LARP4B: variants seen among roughly 807,000 people sequenced by gnomAD.
LARP4B encodes la-related protein 4B.
LARP4B carries 12 observed loss-of-function variants against 89.8 expected under a neutral mutation model. That is an observed-to-expected ratio of 0.13 (90% confidence interval 0.09 to 0.22). The LOEUF (loss-of-function observed/expected upper bound fraction) is 0.22, where lower values mean the gene tolerates loss of function less well. LARP4B is among the 10% of genes least tolerant of loss of function. The pLI, the probability that LARP4B is intolerant of heterozygous loss-of-function variation, is 1.00. For synonymous variants in LARP4B, 367 were observed against 363.3 expected (o/e 1.01, Z -0.12); for missense variants, 757 against 947.7 (o/e 0.80, Z 2.64).
In LARP4B at chr10:888,003, G is replaced by A. The variant is rs562198840; in HGVS notation, c.-39-2243C>T. ...CTCGCCACTGCACTCCCACCTCGGC[G>A]ACAGAGCAAAACTCTGTCTTAAAAA... On this transcript the variant is annotated intron_variant, in intron 1 of 17. Coordinates refer to ENST00000316157, the MANE Select transcript of LARP4B (RefSeq NM_015155.3). Among the ~76,000 whole-genome samples the A allele has an allele frequency of 1.8e-4, 27 of 151,514 alleles. No homozygotes were observed. The South Asian group carries it at 3.1e-3, about 18-fold the overall frequency.
chr10:970,890 G>A, the LARP4B span, among the ~76,000 whole-genome samples: 6 of 152,300 alleles, frequency 3.9e-5, no homozygotes, highest in Admixed American at 3.3e-4. Flanking sequence ...CAGCCCAGCT[G>A]AGCGTTTTAT....
At position 845,017 on chromosome 10, in the gene LARP4B, G is replaced by C. The variant is rs538826325; in HGVS notation, c.469C>G (p.Arg157Gly). ...TCCAATGTTTTTTTAAGTACTTCTC[G>C]GGGGTCTTCCTGGCTGTCTGGTTGA... Reference protein sequence around the residue: ...ESQPDSQEDPREVLKKTLEFC... With the variant: ...ESQPDSQEDPGEVLKKTLEFC... The change falls in exon 6 of 18, where the codon CGA (arginine) becomes GGA (glycine). Residue 157 changes from arginine to glycine, a missense_variant. Physicochemically the swap from Arg to Gly is moderately radical, Grantham distance 125. Coordinates refer to ENST00000316157, the MANE Select transcript of LARP4B (RefSeq NM_015155.3). 5.6e-6 allele frequency: 9 copies of C among 1,611,046 alleles called. No homozygotes were observed. The highest frequency in any genetic ancestry group is 7.6e-6 in the Non-Finnish European group (9 of 1,179,536).
intron 1 of LARP4B, among the ~76,000 whole-genome samples, chr10:916,084 A>G (rs188457555): frequency 9.8e-5 from 15 of 152,292 alleles, no homozygotes; most frequent in African/African-American, 3.4e-4. Context: ...CAAATAAGAA[A>G]TGGTGTTTAA....
chr10:927,236 G>C (rs747087388), intron 1 of LARP4B, among the ~76,000 whole-genome samples: 3 of 152,068 alleles, frequency 2.0e-5, no homozygotes, highest in African/African-American at 4.8e-5. Flanking sequence ...TGAGAAGACA[G>C]AGTTTATAAA....
the LARP4B span, among the ~76,000 whole-genome samples, chr10:954,570 G>A: frequency 6.6e-6 from 1 of 152,102 alleles, no homozygotes; most frequent in African/African-American, 2.4e-5. The surrounding 1 kb of genome is among the most constrained non-coding windows in gnomAD (Gnocchi z 5.0). Context: ...GCCTGAGGTC[G>A]GGAGGAGGAC....
intron 1 of LARP4B, among the ~76,000 whole-genome samples, chr10:902,657 A>G (rs1229949310): frequency 7.8e-6 from 1 of 127,732 alleles, no homozygotes; most frequent in Admixed American, 8.3e-5. Context: ...TTTTTTTTTT[A>G]ATTTTGAGAT....
intron 6 of LARP4B, 92 bp downstream of exon 6, chr10:844,885 A>G: frequency 1.2e-6 from 1 of 824,550 alleles, no homozygotes. Flanking sequence ...ATGAGTAGAT[A>G]CTCCTTCATA....
chr10:987,120 G>C, the LARP4B span: 1 of 145,974 alleles, frequency 6.9e-6, no homozygotes, highest in East Asian at 2.1e-4. Context: ...TATGAGCATA[G>C]CTTTGCTAAT....
intron 1 of LARP4B, among the ~76,000 whole-genome samples, chr10:891,942 T>C (rs1433895139): frequency 1.3e-5 from 2 of 152,248 alleles, no homozygotes; most frequent in Non-Finnish European, 2.9e-5. Context: ...GACAGCTGTT[T>C]CAATAAATAA....
intron 3 of LARP4B, among the ~76,000 whole-genome samples, chr10:883,277 C>G (rs1248965059): frequency 6.6e-6 from 1 of 152,038 alleles, no homozygotes; most frequent in Admixed American, 6.6e-5. Flanking sequence ...TTTGGGAGGC[C>G]GAGGCAGGCA....
chr10:901,631 G>A (rs967922119), intron 1 of LARP4B, among the ~76,000 whole-genome samples: 5 of 151,918 alleles, frequency 3.3e-5, no homozygotes, highest in African/African-American at 1.2e-4. Flanking sequence ...TGTTCTTATA[G>A]TAAGTGTGTC....
chr10:838,261 T>G (rs1027632493), intron 7 of LARP4B, among the ~76,000 whole-genome samples: 5 of 152,192 alleles, frequency 3.3e-5, no homozygotes, highest in African/African-American at 1.2e-4. Flanking sequence ...ACTAAAGGCA[T>G]GATCCATGAA....
chr10:874,842 A>G (rs1835394305), intron 3 of LARP4B, among the ~76,000 whole-genome samples: 1 of 152,250 alleles, frequency 6.6e-6, no homozygotes, highest in Non-Finnish European at 1.5e-5. Context: ...TGAAATCATC[A>G]TAATGATTAT....
chr10:918,194 T>C (rs1042222981), intron 1 of LARP4B, among the ~76,000 whole-genome samples: 1 of 152,192 alleles, frequency 6.6e-6, no homozygotes, highest in Non-Finnish European at 1.5e-5. Flanking sequence ...CCCAGCACCG[T>C]CATACATCAT....
rs541672230 is a variant in LARP4B, at chr10:902,012, C to T, written c.-39-16252G>A. ...TAAATTTAGAACGTGTCTACTAAGT[C>T]GACACACAAAAAAAGGACAACGGTC... is the stretch of plus-strand genomic sequence containing the variant. On this transcript the variant is annotated intron_variant, in intron 1 of 17. Transcript: ENST00000316157. Among the ~76,000 whole-genome samples the T allele has an allele frequency of 2.6e-4, 40 of 152,248 alleles. No homozygotes were observed. In the South Asian group the frequency reaches 7.7e-3, roughly 29 times the overall value.
At chr10:877,265 C>T (rs1231941697) in intron 3 of LARP4B, among the ~76,000 whole-genome samples, 2 of 152,130 alleles carry the variant, frequency 1.3e-5, no homozygotes, top group East Asian at 3.8e-4. Context: ...TCTGTAGTAC[C>T]AGCTACTTGG....
intron 7 of LARP4B, 39 bp from the exon 8 acceptor site, chr10:836,545 T>C (rs1234433549): frequency 1.5e-6 from 2 of 1,294,006 alleles, no homozygotes; most frequent in African/African-American, 2.9e-5. Context: ...AACAAAAATA[T>C]TAAAATATGA....
intron 1 of LARP4B, among the ~76,000 whole-genome samples, chr10:890,833 C>T (rs906090708): frequency 1.3e-5 from 2 of 152,044 alleles, no homozygotes; most frequent in African/African-American, 2.4e-5. Context: ...GGGTTTTCTA[C>T]GAGAGAACAG....
chr10:833,281 A>C (rs1011576398), intron 8 of LARP4B, among the ~76,000 whole-genome samples: 2 of 147,086 alleles, frequency 1.4e-5, no homozygotes, highest in Admixed American at 1.4e-4. Flanking sequence ...AAAAAAAAAA[A>C]AAACCTCAAA....
Sources: allele counts gnomAD v4.1 joint callset (sites outside exome capture counted in the v4.1 genomes callset), GRCh38; gene constraint gnomAD v4.1.1; non-coding constraint Gnocchi (gnomAD v3.1); transcripts MANE v1.5; gene names NCBI Gene and HGNC (gene_info 2026-07-23, HGNC 2026-07-21).